CPXM2: variants seen among roughly 807,000 people sequenced by gnomAD.
CPXM2 encodes the protein carboxypeptidase X, M14 family member 2.
Under a neutral mutation model 86.1 loss-of-function variants are expected in CPXM2, and 66 were observed. The observed-to-expected ratio is 0.77, with a 90% CI of 0.63 to 0.94. The LOEUF (loss-of-function observed/expected upper bound fraction) is 0.94, where lower values mean the gene tolerates loss of function less well. CPXM2 is among the 40% of genes least tolerant of loss of function. The probability of loss-of-function intolerance (pLI) is 0.00; values close to 1 mark genes in which losing one functional copy is unlikely to be tolerated. For synonymous variants in CPXM2, 388 were observed against 400.2 expected (o/e 0.97, Z 0.36); for missense variants, 948 against 1,026.3 (o/e 0.92, Z 1.04).
chr10:123,888,766 G>C (rs1053327139), intron 1 of CPXM2, among the ~76,000 whole-genome samples: 1 of 152,190 alleles, frequency 6.6e-6, no homozygotes, highest in Non-Finnish European at 1.5e-5. Context: ...GTCTTGTCAT[G>C]GTTGGGGAGA....
chr10:123,794,036 A>T (rs768739117), intron 6 of CPXM2, among the ~76,000 whole-genome samples: 1 of 152,184 alleles, frequency 6.6e-6, no homozygotes, highest in Non-Finnish European at 1.5e-5. Context: ...ACCAGTGAAC[A>T]TGGGCTGGGA....
chr10:123,808,095 C>G (rs1847617452), intron 4 of CPXM2, among the ~76,000 whole-genome samples: 1 of 151,808 alleles, frequency 6.6e-6, no homozygotes, highest in Admixed American at 6.5e-5. Flanking sequence ...CATTGCCCTC[C>G]AATCCAGCCT....
intron 2 of CPXM2, among the ~76,000 whole-genome samples, chr10:123,876,655 T>G (rs141182484): frequency 6.6e-6 from 1 of 152,220 alleles, no homozygotes; most frequent in Admixed American, 6.5e-5. Flanking sequence ...TAAGCACTTA[T>G]ATAATATCCT....
intron 1 of CPXM2, among the ~76,000 whole-genome samples, chr10:123,883,147 A>G (rs1171744343): frequency 1.3e-5 from 2 of 152,184 alleles, no homozygotes; most frequent in Non-Finnish European, 1.5e-5. Flanking sequence ...GACTCCAGTG[A>G]AAGTCTGGAT....
intron 8 of CPXM2, among the ~76,000 whole-genome samples, chr10:123,769,834 T>C (rs576368963): frequency 6.6e-6 from 1 of 152,342 alleles, no homozygotes; most frequent in East Asian, 1.9e-4. Context: ...CAACCTCTGA[T>C]ATTTTGTTAC....
rs1193040889 is a variant in CPXM2 at position 123,757,303 on chromosome 10, G to T, written c.1827C>A (p.Ile609=). The part of the protein sequence containing the change: ...YLHTNCFELS[I]YVGCDKYPHE... ...GTGGGTATTTATCACAGCCCACGTA[G>T]ATGGACAGTTCGAAGCAGTTTGTAT... The change falls in exon 12 of 14, where the codon ATC becomes ATA. Residue 609 remains isoleucine (I), a synonymous_variant. Coordinates refer to ENST00000241305, the MANE Select transcript of CPXM2 (RefSeq NM_198148.3). The T allele has an allele frequency of 6.2e-7, 1 of 1,613,524 alleles. No homozygotes were observed.
intron 6 of CPXM2, among the ~76,000 whole-genome samples, chr10:123,788,375 CTA>C (rs1847120907): frequency 6.6e-6 from 1 of 151,812 alleles, no homozygotes; most frequent in Non-Finnish European, 1.5e-5. Flanking sequence ...GTTCTTTTAA[CTA>C]TCTGCTCCAA....
At position 123,768,527 on chromosome 10, in the gene CPXM2, C is replaced by G; in HGVS notation, c.1298G>C (p.Gly433Ala). The G allele has an allele frequency of 6.2e-7, 1 of 1,611,214 alleles. No homozygotes were observed. Among genetic ancestry groups the G allele is most frequent in the Non-Finnish European group, 8.5e-7 (1 of 1,178,214 alleles). The change falls in exon 9 of 14, where the codon GGG (glycine) becomes GCG (alanine). Residue 433 changes from glycine to alanine, a missense_variant and splice_region_variant. Transcript: ENST00000241305. ...GGTGAGATGGGCCAGGGCCATTACC[C>G]CTTCGTAGGCCTTCTCGTAGCCATC... is the stretch of plus-strand genomic sequence containing the variant. ...NPDGYEKAYE[G>A]GSELGGWSLG...
chr10:123,868,031 T>A (rs1944825017), intron 2 of CPXM2, among the ~76,000 whole-genome samples: 1 of 152,224 alleles, frequency 6.6e-6, no homozygotes, highest in African/African-American at 2.4e-5. Flanking sequence ...CAGAATGGTC[T>A]GGAGGCCTCA....
intron 6 of CPXM2, among the ~76,000 whole-genome samples, chr10:123,783,890 C>T (rs1280063383): frequency 6.6e-6 from 1 of 152,172 alleles, no homozygotes; most frequent in Non-Finnish European, 1.5e-5. Flanking sequence ...TCTGCAACAC[C>T]TTAGTTATGT....
intron 3 of CPXM2, among the ~76,000 whole-genome samples, chr10:123,848,387 A>G (rs1231792105): frequency 6.6e-6 from 1 of 152,214 alleles, no homozygotes; most frequent in African/African-American, 2.4e-5. Context: ...CACTGTATTC[A>G]TTGTTTTTGA....
intron 2 of CPXM2, among the ~76,000 whole-genome samples, chr10:123,874,372 C>T (rs990012703): frequency 6.1e-5 from 9 of 146,564 alleles, no homozygotes; most frequent in East Asian, 1.9e-4. Context: ...CACCACCCCC[C>T]GCCCCAACCA....
chr10:123,810,845 C>T (rs1364950980), intron 4 of CPXM2, among the ~76,000 whole-genome samples: 1 of 151,952 alleles, frequency 6.6e-6, no homozygotes, highest in Non-Finnish European at 1.5e-5. Flanking sequence ...AGCCAAGATA[C>T]TTTATGAGAA....
intron 1 of CPXM2, among the ~76,000 whole-genome samples, chr10:123,889,759 C>G (rs1413811536): frequency 1.3e-5 from 2 of 152,084 alleles, no homozygotes; most frequent in African/African-American, 2.4e-5. Context: ...GTTGATGAGC[C>G]CTAAACATGG....
At chr10:123,833,257 G>A (rs570960369) in intron 4 of CPXM2, among the ~76,000 whole-genome samples, 6 of 152,304 alleles carry the variant, frequency 3.9e-5, no homozygotes, top group African/African-American at 9.6e-5. Flanking sequence ...CAGCATAGGA[G>A]GTAACACAGG....
chr10:123,758,502 A>G (rs1244645069), intron 11 of CPXM2, among the ~76,000 whole-genome samples: 1 of 152,170 alleles, frequency 6.6e-6, no homozygotes, highest in Non-Finnish European at 1.5e-5. Context: ...CCATCCAGGT[A>G]ACACAGGGTG....
chr10:123,773,707 G>A (rs1846713368), intron 7 of CPXM2, among the ~76,000 whole-genome samples: 1 of 152,200 alleles, frequency 6.6e-6, no homozygotes, highest in African/African-American at 2.4e-5. Context: ...CAGAGCATTG[G>A]GTCACCATGA....
chr10:123,808,709 T>C (rs1477818125), intron 4 of CPXM2, among the ~76,000 whole-genome samples: 1 of 152,182 alleles, frequency 6.6e-6, no homozygotes, highest in Admixed American at 6.5e-5. Flanking sequence ...ATTTATACAA[T>C]TTTTAAAAAA....
At chr10:123,854,542 C>T (rs1393747879) in intron 3 of CPXM2, among the ~76,000 whole-genome samples, 1 of 149,360 alleles carries the variant, frequency 6.7e-6, no homozygotes, top group Non-Finnish European at 1.5e-5. Flanking sequence ...CCCACAGCTA[C>T]TAAGTACAGA....
Sources: gnomAD v4.1 joint callset for allele counts (sites outside exome capture counted in the v4.1 genomes callset) on GRCh38, gnomAD v4.1.1 for gene constraint, MANE v1.5 for transcripts, NCBI Gene and HGNC (gene_info 2026-07-23, HGNC 2026-07-21) for gene names.